Variants in CDH12 observed in about 807,000 individuals in gnomAD.
The protein encoded by CDH12 is cadherin-12.
In CDH12, 41 loss-of-function variants were observed where a neutral mutation model predicts 74.1. That is an observed-to-expected ratio of 0.55 (90% CI 0.43 to 0.72). CDH12 has a LOEUF of 0.72. CDH12 is among the 30% of genes least tolerant of loss of function. The probability of loss-of-function intolerance (pLI) is 0.00; values close to 1 mark genes in which losing one functional copy is unlikely to be tolerated. For missense variants in CDH12, 945 were observed against 977.2 expected (o/e 0.97, Z 0.44); for synonymous variants, 399 against 355.0 (o/e 1.12, Z -1.39).
rs377016972 is a variant in CDH12, at chr5:22,343,323, CAGAGAGAGAGAGAGAGAG to C, written c.-333+61916_-333+61933del. ...ACACACACACACACAGACACACACA[CAGAGAGAGAGAGAGAGAG>C]AGAGAGAGAGAGAGAGAGAGAGAAC... On this transcript the variant is annotated intron_variant, in intron 3 of 14. Transcript: ENST00000382254. Among the ~76,000 whole-genome samples, 1,046 of 136,330 alleles carry C rather than the reference CAGAGAGAGAGAGAGAGAG, an allele frequency of 7.7e-3. 14 individuals carry two copies. The highest frequency in any genetic ancestry group is 0.029 in the African/African-American group (994 of 34,480). 89.4% of individuals were successfully genotyped at this position (136,330 alleles called of 152,430 possible).
chr5:21,783,520 A>C, intron 10 of CDH12, 26 bp from the exon 11 acceptor site: 1 of 1,565,570 alleles, frequency 6.4e-7, no homozygotes, highest in Non-Finnish European at 8.8e-7. Flanking sequence ...GTAGATGCAA[A>C]TGTGCAATGA....
chr5:22,626,992 G>A (rs567560472), intron 1 of CDH12, among the ~76,000 whole-genome samples: 19 of 152,242 alleles, frequency 1.2e-4, no homozygotes, highest in Admixed American at 8.5e-4. Flanking sequence ...ACCATGTAGA[G>A]GAAAGAATCT....
At chr5:22,514,197 A>T (rs1416726212) in intron 1 of CDH12, among the ~76,000 whole-genome samples, 5 of 152,100 alleles carry the variant, frequency 3.3e-5, no homozygotes, top group African/African-American at 1.2e-4. Flanking sequence ...AAGTCGGTCA[A>T]TTGACAGTAT....
At chr5:22,025,818 A>T (rs1738309194) in intron 5 of CDH12, among the ~76,000 whole-genome samples, 1 of 152,174 alleles carries the variant, frequency 6.6e-6, no homozygotes, top group Non-Finnish European at 1.5e-5. Flanking sequence ...TTCACCAGCA[A>T]TGTTTCCATC....
At chr5:22,267,724 TA>T (rs1736191863) in intron 3 of CDH12, among the ~76,000 whole-genome samples, 1 of 152,146 alleles carries the variant, frequency 6.6e-6, no homozygotes, top group Admixed American at 6.6e-5. Flanking sequence ...GTCTTCTGTA[TA>T]AGGTTGTGTT....
At chr5:22,535,357 C>G (rs1046725886) in intron 1 of CDH12, among the ~76,000 whole-genome samples, 5 of 151,800 alleles carry the variant, frequency 3.3e-5, no homozygotes, top group Admixed American at 1.3e-4. Flanking sequence ...GGGGTTTCAC[C>G]GTGTTAGCCA....
chr5:22,028,985 A>G (rs2150170493), intron 5 of CDH12, among the ~76,000 whole-genome samples: 1 of 152,308 alleles, frequency 6.6e-6, no homozygotes, highest in East Asian at 1.9e-4. Context: ...GATCTTTGAC[A>G]AACCTGAGAA....
intron 1 of CDH12, among the ~76,000 whole-genome samples, chr5:22,616,869 C>CA (rs1737715733): frequency 6.7e-6 from 1 of 149,286 alleles, no homozygotes. Flanking sequence ...CCAATTTTCA[C>CA]TTTTTTTTTT....
intron 9 of CDH12, among the ~76,000 whole-genome samples, chr5:21,806,827 T>C (rs1350630130): frequency 6.6e-6 from 1 of 152,202 alleles, no homozygotes; most frequent in Non-Finnish European, 1.5e-5. Flanking sequence ...TTCCCCAGCA[T>C]AGCCCAAGCT....
At chr5:22,413,524 C>T (rs966065739) in intron 2 of CDH12, among the ~76,000 whole-genome samples, 1 of 151,664 alleles carries the variant, frequency 6.6e-6, no homozygotes, top group Non-Finnish European at 1.5e-5. Context: ...GGATAGGGGT[C>T]GAAGTAAAAT....
chr5:22,635,100 T>C (rs941454175), intron 1 of CDH12, among the ~76,000 whole-genome samples: 2 of 152,264 alleles, frequency 1.3e-5, no homozygotes, highest in South Asian at 2.1e-4. Context: ...CACAATTTAC[T>C]TCTTAGTGCA....
intron 1 of CDH12, among the ~76,000 whole-genome samples, chr5:22,706,331 A>G (rs562904325): frequency 1.3e-5 from 2 of 152,104 alleles, no homozygotes; most frequent in South Asian, 4.1e-4. Flanking sequence ...ATGTTTTTCC[A>G]TTTTAGTATT....
intron 1 of CDH12, among the ~76,000 whole-genome samples, chr5:22,639,620 T>A (rs1739037643): frequency 6.6e-6 from 1 of 152,058 alleles, no homozygotes; most frequent in Admixed American, 6.6e-5. Flanking sequence ...TTTACGAGAC[T>A]TGGAAATAAC....
chr5:22,302,228 G>A lies in CDH12; in HGVS notation c.-332-89585C>T, dbSNP rs140896841. The stretch of plus-strand genomic sequence containing the variant: ...AGAAATGAACAAAACTAGTACATCC[G>A]CTCTACATACACACACACAGACACA... On this transcript the variant is annotated intron_variant, in intron 3 of 14. Coordinates refer to ENST00000382254, the MANE Select transcript of CDH12 (RefSeq NM_004061.5). 4.6e-3 allele frequency among the ~76,000 whole-genome samples: 699 copies of A among 152,096 alleles called. 5 individuals are homozygous for A. The highest frequency in any genetic ancestry group is 0.016 in the African/African-American group (665 of 41,478).
At chr5:21,947,760 G>A (rs796619843) in intron 6 of CDH12, among the ~76,000 whole-genome samples, 30 of 152,182 alleles carry the variant, frequency 2.0e-4, no homozygotes, top group Non-Finnish European at 4.4e-5. Context: ...TTTCTTGGGC[G>A]TATCACAGAC....
chr5:22,433,662 C>T (rs903387599), intron 2 of CDH12, among the ~76,000 whole-genome samples: 5 of 151,978 alleles, frequency 3.3e-5, no homozygotes, highest in Non-Finnish European at 5.9e-5. Flanking sequence ...TGAAATAAGT[C>T]ACATGGTAAT....
At chr5:21,958,257 A>T (rs1756190286) in intron 6 of CDH12, among the ~76,000 whole-genome samples, 1 of 151,986 alleles carries the variant, frequency 6.6e-6, no homozygotes, top group Non-Finnish European at 1.5e-5. Context: ...TAAATTACTC[A>T]GTCTCTGGTG....
intron 3 of CDH12, among the ~76,000 whole-genome samples, chr5:22,331,548 C>G (rs1739352363): frequency 6.6e-6 from 1 of 152,144 alleles, no homozygotes; most frequent in African/African-American, 2.4e-5. Context: ...ACCTGGAAAG[C>G]CTTCCTAAGG....
chr5:22,054,918 G>A (rs1740633992), intron 5 of CDH12, among the ~76,000 whole-genome samples: 1 of 152,186 alleles, frequency 6.6e-6, no homozygotes, highest in Non-Finnish European at 1.5e-5. Context: ...ATGCAGGTGT[G>A]TGATTTAATA....
Sources: allele counts gnomAD v4.1 joint callset (sites outside exome capture counted in the v4.1 genomes callset), GRCh38; gene constraint gnomAD v4.1.1; transcripts MANE v1.5; gene names NCBI Gene and HGNC (gene_info 2026-07-23, HGNC 2026-07-21).